ADAM18: variants seen among roughly 807,000 people sequenced by gnomAD.
ADAM18 encodes ADAM metallopeptidase domain 18.
In ADAM18, 117 loss-of-function variants were observed where a neutral mutation model predicts 94.4. The observed-to-expected ratio is 1.24, with a 90% CI of 1.07 to 1.45. ADAM18 has a LOEUF of 1.45. Ranked by LOEUF, ADAM18 falls within the 40% of genes most tolerant of loss-of-function variation. The pLI, the probability that ADAM18 is intolerant of heterozygous loss-of-function variation, is 0.00. For missense variants in ADAM18, 936 were observed against 880.0 expected, an observed-to-expected ratio of 1.06 and a Z score of -0.81; for synonymous variants, 327 against 291.6, an observed-to-expected ratio of 1.12 and a Z score of -1.24.
chr8:39,715,842 A>C (rs1822556786), intron 18 of ADAM18, among the ~76,000 whole-genome samples: 2 of 152,038 alleles, frequency 1.3e-5, no homozygotes, highest in South Asian at 4.1e-4. Flanking sequence ...AGATATAGCC[A>C]CCGGTGAATA....
At chr8:39,673,907 T>C (rs1821225786) in intron 14 of ADAM18, among the ~76,000 whole-genome samples, 1 of 152,216 alleles carries the variant, frequency 6.6e-6, no homozygotes, top group Admixed American at 6.5e-5. Context: ...GAGCAAATTG[T>C]TCAGTTTCCA....
chr8:39,653,645 G>T (rs1029979217), intron 12 of ADAM18, among the ~76,000 whole-genome samples: 2 of 152,208 alleles, frequency 1.3e-5, no homozygotes, highest in South Asian at 4.1e-4. Context: ...TAACTTCTTC[G>T]AGGATAAAAT....
chr8:39,671,988 T>C (rs993659921), intron 14 of ADAM18, among the ~76,000 whole-genome samples: 2 of 152,032 alleles, frequency 1.3e-5, no homozygotes, highest in East Asian at 3.9e-4. Flanking sequence ...AACACTCTCC[T>C]AAAGTACAGC....
At chr8:39,625,624 G>A (rs1350870958) in intron 6 of ADAM18, among the ~76,000 whole-genome samples, 1 of 151,714 alleles carries the variant, frequency 6.6e-6, no homozygotes, top group East Asian at 1.9e-4. Flanking sequence ...CAGTTCTTGG[G>A]GAATGCTTTC....
At chr8:39,702,390 C>T (rs1214246158) in intron 17 of ADAM18, among the ~76,000 whole-genome samples, 1 of 152,018 alleles carries the variant, frequency 6.6e-6, no homozygotes, top group African/African-American at 2.4e-5. Flanking sequence ...GGATATTAGA[C>T]CTTTTTCAGA....
At chr8:39,649,286 T>TA (rs1820462660) in intron 12 of ADAM18, among the ~76,000 whole-genome samples, 1 of 152,176 alleles carries the variant, frequency 6.6e-6, no homozygotes, top group Non-Finnish European at 1.5e-5. Flanking sequence ...AACCTATATG[T>TA]ATGAGGCTGT....
intron 17 of ADAM18, among the ~76,000 whole-genome samples, chr8:39,706,099 C>T (rs1475436183): frequency 6.6e-6 from 1 of 151,968 alleles, no homozygotes; most frequent in Admixed American, 6.6e-5. Context: ...TATGTACTTA[C>T]TTGTTTTATT....
At chr8:39,714,450 AAGACAG>A (rs1382629022) in intron 18 of ADAM18, among the ~76,000 whole-genome samples, 1 of 152,174 alleles carries the variant, frequency 6.6e-6, no homozygotes, top group African/African-American at 2.4e-5. Flanking sequence ...ACAATAAAAA[AAGACAG>A]AGACTGTCAG....
At chr8:39,645,508 T>G (rs765562101) in intron 11 of ADAM18, 34 bp downstream of exon 11, 2 of 1,565,426 alleles carry the variant, frequency 1.3e-6, no homozygotes, top group East Asian at 2.4e-5. Flanking sequence ...TCATTTATAT[T>G]TTTATAAGGT....
chr8:39,706,674 T>G (rs1321922511), intron 17 of ADAM18, 116 bp from the exon 18 acceptor site: 7 of 536,382 alleles, frequency 1.3e-5, no homozygotes, highest in Non-Finnish European at 1.9e-5. Flanking sequence ...GTCATAATAA[T>G]CTTAAGAAAA....
In ADAM18 at chr8:39,677,433, G is replaced by A. The variant is rs1236784165; in HGVS notation, c.1528G>A (p.Ala510Thr). The change falls in exon 15 of 20, where the codon GCT becomes ACT. Residue 510 changes from alanine (A) to threonine (T), a missense_variant and splice_region_variant. Ala to Thr is a moderately conservative substitution (Grantham distance 58). Transcript: ENST00000265707. The stretch of plus-strand genomic sequence containing the variant: ...AACTGACATGTTTGCATTTTAAGGT[G>A]CTCAAGGTGCTCCATTTGCCTGTTT... ...NQCAKIFGKG[A>T]QGAPFACFKE... 2.5e-6 allele frequency: 4 copies of A among 1,603,868 alleles called. No homozygotes were observed. The highest frequency in any genetic ancestry group is 3.4e-6 in the Non-Finnish European group (4 of 1,177,208).
chr8:39,647,495 A>C (rs1820417660), intron 11 of ADAM18, among the ~76,000 whole-genome samples: 1 of 152,088 alleles, frequency 6.6e-6, no homozygotes, highest in African/African-American at 2.4e-5. Context: ...GGCAGGCAGG[A>C]GACAGTGGCC....
At chr8:39,613,482 C>A (rs1267719985) in intron 6 of ADAM18, among the ~76,000 whole-genome samples, 1 of 152,160 alleles carries the variant, frequency 6.6e-6, no homozygotes, top group South Asian at 2.1e-4. Flanking sequence ...AAAAGCCCCA[C>A]CCAAAGGACA....
intron 17 of ADAM18, among the ~76,000 whole-genome samples, chr8:39,698,928 C>G (rs1280698755): frequency 6.6e-6 from 1 of 151,946 alleles, no homozygotes; most frequent in South Asian, 2.1e-4. Context: ...TACAGCAGTG[C>G]TTTAGAGAAA....
chr8:39,656,141 AT>A (rs1269563874), intron 12 of ADAM18, among the ~76,000 whole-genome samples: 4 of 151,932 alleles, frequency 2.6e-5, no homozygotes, highest in Admixed American at 6.6e-5. Flanking sequence ...AGACAAGCTG[AT>A]TTTCAAGTTT....
At chr8:39,705,788 C>T (rs1308229747) in intron 17 of ADAM18, among the ~76,000 whole-genome samples, 1 of 151,978 alleles carries the variant, frequency 6.6e-6, no homozygotes. Context: ...GACACAATAT[C>T]TATAGGAAAA....
intron 16 of ADAM18, among the ~76,000 whole-genome samples, chr8:39,689,654 A>G (rs1285350461): frequency 6.6e-6 from 1 of 152,238 alleles, no homozygotes; most frequent in East Asian, 1.9e-4. Context: ...TTCGCTTTGC[A>G]TAGGATTGCA....
intron 2 of ADAM18, 102 bp downstream of exon 2, chr8:39,585,454 TC>T: frequency 1.2e-6 from 1 of 841,452 alleles, no homozygotes; most frequent in Non-Finnish European, 1.9e-6. Context: ...CATTGCCAAA[TC>T]ATAATATTTT....
chr8:39,622,978 G>A (rs1333165052), intron 6 of ADAM18, among the ~76,000 whole-genome samples: 1 of 152,124 alleles, frequency 6.6e-6, no homozygotes, highest in Non-Finnish European at 1.5e-5. Flanking sequence ...CATCACTTGA[G>A]TAGTGTTCAT....
Sources: allele counts gnomAD v4.1 joint callset (sites outside exome capture counted in the v4.1 genomes callset), GRCh38; gene constraint gnomAD v4.1.1; transcripts MANE v1.5; gene names NCBI Gene and HGNC (gene_info 2026-07-23, HGNC 2026-07-21).